Variants in EGF observed in about 807,000 individuals in gnomAD.
EGF encodes the protein pro-epidermal growth factor.
EGF carries 95 observed loss-of-function variants against 143.8 expected under a neutral mutation model. That is an observed-to-expected ratio of 0.66 (90% CI 0.56 to 0.78). The LOEUF (loss-of-function observed/expected upper bound fraction) is 0.78, where lower values mean the gene tolerates loss of function less well. Among genes scored for constraint, EGF ranks in the 30% least tolerant of loss-of-function variants. The pLI is 0.00. For synonymous variants in EGF, 510 were observed against 510.5 expected, an observed-to-expected ratio of 1.00 and a Z score of 0.01; for missense variants, 1,320 against 1,470.9, an observed-to-expected ratio of 0.90 and a Z score of 1.68.
chr4:109,959,147 G>T, intron 5 of EGF, 165 bp from the exon 6 acceptor site: 1 of 1,028,888 alleles, frequency 9.7e-7, no homozygotes, highest in South Asian at 1.6e-5. Flanking sequence ...AAAAAAGTGG[G>T]CTTCGGGATG....
intron 1 of EGF, among the ~76,000 whole-genome samples, chr4:109,929,358 T>A (rs1195211296): frequency 1.3e-5 from 2 of 152,152 alleles, no homozygotes; most frequent in Non-Finnish European, 1.5e-5. Flanking sequence ...CTCCTAGTGT[T>A]CTCCAATTGA....
intron 6 of EGF, 74 bp downstream of exon 6, chr4:109,959,511 G>A (rs1183438320): frequency 3.1e-6 from 5 of 1,609,310 alleles, no homozygotes; most frequent in South Asian, 1.1e-5. Context: ...CTGAGCCAGC[G>A]GCTTGTCTTC....
chr4:109,938,068 A>C (rs1579520722), intron 1 of EGF, among the ~76,000 whole-genome samples: 1 of 152,236 alleles, frequency 6.6e-6, no homozygotes, highest in Middle Eastern at 3.4e-3. Flanking sequence ...CTGCCTTGCT[A>C]GGTTGGAGAT....
intron 20 of EGF, 79 bp from the exon 21 acceptor site, chr4:109,999,600 C>T (rs993443966): frequency 1.1e-5 from 17 of 1,569,900 alleles, no homozygotes; most frequent in East Asian, 9.0e-5. Flanking sequence ...GGTTGAGAGA[C>T]AGCTGAATAC....
intron 19 of EGF, among the ~76,000 whole-genome samples, chr4:109,993,757 A>G (rs907455884): frequency 3.9e-5 from 6 of 152,160 alleles, no homozygotes; most frequent in African/African-American, 1.4e-4. Flanking sequence ...TTAAAATATT[A>G]CTTTAAAAAG....
At position 109,945,062 on chromosome 4, in the gene EGF, T is replaced by A. The variant is rs370617801; in HGVS notation, c.738-11T>A. 4.2e-5 allele frequency: 67 copies of A among 1,613,760 alleles called. No individual in the cohort carries two copies. Among genetic ancestry groups the A allele is most frequent in the Non-Finnish European group, 4.7e-5 (56 of 1,179,912 alleles). ...TCTGTTGTTCTTTTTTCTTTTGTGG[T>A]TGCTTTTTAGGCATAATTTGTTTGC... On this transcript the variant is annotated splice_polypyrimidine_tract_variant and intron_variant, in intron 4 of 23. Transcript: ENST00000265171.
chr4:109,937,386 G>A (rs1462354002), intron 1 of EGF, among the ~76,000 whole-genome samples: 1 of 144,828 alleles, frequency 6.9e-6, no homozygotes, highest in Non-Finnish European at 1.5e-5. Context: ...CTTTCCATTA[G>A]CTTGGTAGAT....
intron 21 of EGF, chr4:110,004,215 T>TACACACACACACACACACACAC (rs772189572): frequency 5.6e-6 from 2 of 356,972 alleles, no homozygotes; most frequent in East Asian, 1.3e-4. Context: ...TGGGCATACA[T>TACACACACACACACACACACAC]ACACACACAC....
At chr4:109,975,814 A>T (rs752117451) in intron 12 of EGF, among the ~76,000 whole-genome samples, 198 bp from the exon 13 acceptor site, 2 of 152,230 alleles carry the variant, frequency 1.3e-5, no homozygotes, top group South Asian at 4.1e-4. Flanking sequence ...CTTTTCGAAG[A>T]TGCTTTACAT....
chr4:109,960,210 T>G lies in EGF; in HGVS notation c.1067-657T>G, dbSNP rs11568930. Among the ~76,000 whole-genome samples the G allele has an allele frequency of 7.2e-3, 1,103 of 152,272 alleles. 17 individuals are homozygous for G. The highest frequency in any genetic ancestry group is 0.025 in the African/African-American group (1,043 of 41,566). ...AAAGGGCTCTGGTCAGTCTTGAAGG[T>G]TGAAGAGCACAATAGGAAATGTCCT... On this transcript the variant is annotated intron_variant, in intron 6 of 23. Transcript: ENST00000265171.
chr4:109,968,072 AAACTT>A (rs1746896315), intron 10 of EGF, among the ~76,000 whole-genome samples: 1 of 151,938 alleles, frequency 6.6e-6, no homozygotes, highest in Admixed American at 6.6e-5. Context: ...AGGCTACACT[AAACTT>A]ATAAGAAAAG....
intron 13 of EGF, among the ~76,000 whole-genome samples, chr4:109,978,102 T>C (rs1748786274): frequency 6.6e-6 from 1 of 152,196 alleles, no homozygotes. Flanking sequence ...CATCTACTGG[T>C]ATATATGTGG....
Position 109,969,131 on chromosome 4 carries a change from G to T in EGF, c.1724+12G>T, listed in dbSNP as rs942468650. ...TGGACAGACAGAGGGTATGTTTTCT[G>T]CTTCAGTTTTAAGCTGTGTGAGATG... On this transcript the variant is annotated intron_variant, in intron 11 of 23. Transcript: ENST00000265171. 6.2e-7 allele frequency: 1 copy of T among 1,613,964 alleles called. No homozygotes were observed. The highest frequency in any genetic ancestry group is 8.5e-7 in the Non-Finnish European group (1 of 1,179,996).
chr4:109,964,585 G>A (rs1560701464), intron 10 of EGF, 48 bp downstream of exon 10: 3 of 1,612,148 alleles, frequency 1.9e-6, no homozygotes, highest in Non-Finnish European at 2.5e-6. Flanking sequence ...TAAGGACAGA[G>A]TAGAGGATTT....
intron 5 of EGF, among the ~76,000 whole-genome samples, chr4:109,956,822 G>T (rs28687523): frequency 0.016 from 2,403 of 152,136 alleles, 66 homozygotes; most frequent in African/African-American, 0.054. Context: ...TTTGTAAAGA[G>T]ATTTGAAAAA....
chr4:109,914,020 C>T (rs189053473), intron 1 of EGF, among the ~76,000 whole-genome samples: 2 of 152,260 alleles, frequency 1.3e-5, no homozygotes, highest in East Asian at 1.9e-4. Flanking sequence ...GACACAACTC[C>T]GGAGTTTTAG....
intron 4 of EGF, 107 bp downstream of exon 4, chr4:109,944,176 A>AT: frequency 1.6e-6 from 2 of 1,276,744 alleles, no homozygotes; most frequent in Middle Eastern, 2.6e-4. Flanking sequence ...TAGGCCATAG[A>AT]TTTTGAATCC....
In EGF at chr4:109,913,273, G is replaced by A. The variant is rs1736019279; in HGVS notation, c.-63G>A. 1 of 1,605,566 alleles carries A rather than the reference G, an allele frequency of 6.2e-7. No homozygotes were observed. Among genetic ancestry groups the A allele is most frequent in the African/African-American group, 1.3e-5 (1 of 74,688 alleles). On this transcript the variant is annotated 5_prime_UTR_variant, in exon 1 of 24. Transcript: ENST00000265171. ...ATCTGGGGTCAATCATACTCACCTTGCCCGGGCCATGCTCCAGCAAAATCA... is the reference window on the plus strand; with the variant it reads ...ATCTGGGGTCAATCATACTCACCTTACCCGGGCCATGCTCCAGCAAAATCA...
chr4:109,997,644 G>A (rs1752005425), intron 20 of EGF, among the ~76,000 whole-genome samples: 1 of 152,078 alleles, frequency 6.6e-6, no homozygotes, highest in African/African-American at 2.4e-5. Context: ...TAGAGATGGG[G>A]TTTCACCGTG....
Sources: allele counts gnomAD v4.1 joint callset (sites outside exome capture counted in the v4.1 genomes callset), GRCh38; gene constraint gnomAD v4.1.1; transcripts MANE v1.5; gene names NCBI Gene and HGNC (gene_info 2026-07-23, HGNC 2026-07-21).